The following GPD1L variants were observed in gnomAD, a reference collection of about 807,000 sequenced individuals.
GPD1L encodes glycerol-3-phosphate dehydrogenase 1 like, also known as glycerol-3-phosphate dehydrogenase 1-like protein.
GPD1L carries 17 observed loss-of-function variants against 32.9 expected under a neutral mutation model. The ratio of observed to expected loss-of-function variants is 0.52; its 90% CI spans 0.35 to 0.78. The LOEUF (loss-of-function observed/expected upper bound fraction) is 0.78. Among genes scored for constraint, GPD1L ranks in the 30% least tolerant of loss-of-function variants. The pLI is 0.01. For synonymous variants in GPD1L, 187 were observed against 165.9 expected, an observed-to-expected ratio of 1.13 and a Z score of -0.98; for missense variants, 361 against 447.8, an observed-to-expected ratio of 0.81 and a Z score of 1.75.
intron 1 of GPD1L, among the ~76,000 whole-genome samples, chr3:32,122,147 G>GA (rs1233737261): frequency 6.6e-6 from 1 of 152,148 alleles, no homozygotes; most frequent in Non-Finnish European, 1.5e-5. Flanking sequence ...ATGAGGATGG[G>GA]GACTTGTCTG....
chr3:32,154,235 G>A (rs917629495), intron 5 of GPD1L, among the ~76,000 whole-genome samples: 1 of 152,118 alleles, frequency 6.6e-6, no homozygotes, highest in Admixed American at 6.5e-5. Context: ...GATCTCCCCT[G>A]GTGGGAAGGT....
At chr3:32,157,578 C>T (rs770991860) in intron 5 of GPD1L, among the ~76,000 whole-genome samples, 5 of 152,152 alleles carry the variant, frequency 3.3e-5, no homozygotes, top group Non-Finnish European at 5.9e-5. Context: ...CCTGTTGAAA[C>T]GGAATTTCAG....
chr3:32,127,435 G>A lies in GPD1L; in HGVS notation c.48-641G>A, dbSNP rs188474709. Among the ~76,000 whole-genome samples the A allele has an allele frequency of 3.1e-3, 479 of 152,308 alleles. 3 individuals carry two copies. The highest frequency in any genetic ancestry group is 0.011 in the African/African-American group (454 of 41,552). ...CCACGTGCAGACCTGCACTGCTGTC[G>A]GGAGGACAGATGTTAACAAATCAGG... On this transcript the variant is annotated intron_variant, in intron 1 of 7. Coordinates refer to ENST00000282541, the MANE Select transcript of GPD1L (RefSeq NM_015141.4).
chr3:32,128,553 CT>C (rs1220114656), intron 2 of GPD1L, among the ~76,000 whole-genome samples: 1 of 152,166 alleles, frequency 6.6e-6, no homozygotes, highest in Non-Finnish European at 1.5e-5. Flanking sequence ...TCTGAGGCCT[CT>C]CTCCTTGGCT....
chr3:32,128,771 C>G (rs1700548051), intron 2 of GPD1L, among the ~76,000 whole-genome samples: 1 of 152,298 alleles, frequency 6.6e-6, no homozygotes, highest in Middle Eastern at 3.4e-3. Flanking sequence ...ATTCAAAGTG[C>G]CAGCCACCTC....
chr3:32,146,076 C>CTTTTTCTTTTTTTTTTTTTTTT lies in GPD1L; in HGVS notation c.506-541_506-540insCTTTTTTTTTTTTTTTTTTTTT, dbSNP rs1700817856. ...GTAGTTTTACTTGTTGACAATCATG[C>CTTTTTCTTTTTTTTTTTTTTTT]TTTTTTCTTTTTTTTTTTTTTTTTT... On this transcript the variant is annotated intron_variant, in intron 4 of 7. Coordinates refer to ENST00000282541, the MANE Select transcript of GPD1L (RefSeq NM_015141.4). 1.6e-5 allele frequency among the ~76,000 whole-genome samples: 2 copies of CTTTTTCTTTTTTTTTTTTTTTT among 127,606 alleles called. 1 individual carries two copies. Among genetic ancestry groups the CTTTTTCTTTTTTTTTTTTTTTT allele is most frequent in the African/African-American group, 6.5e-5 (2 of 30,946 alleles). The allele number at this position is 127,606 out of a possible 152,430, so 83.7% of individuals were successfully genotyped here. A position where few individuals can be genotyped will look rare whatever the true frequency, so the allele number is the denominator to read the frequency against.
At chr3:32,119,714 T>A (rs1452915621) in intron 1 of GPD1L, among the ~76,000 whole-genome samples, 1 of 152,202 alleles carries the variant, frequency 6.6e-6, no homozygotes, top group Non-Finnish European at 1.5e-5. Context: ...TTATTCATAA[T>A]TTTTTTCATG....
At chr3:32,127,559 A>C (rs571372854) in intron 1 of GPD1L, among the ~76,000 whole-genome samples, 2 of 152,376 alleles carry the variant, frequency 1.3e-5, no homozygotes, top group South Asian at 4.1e-4. Flanking sequence ...CTTGGGGGCC[A>C]GAGGCCGGCT....
chr3:32,145,493 A>G (rs1026385977), intron 4 of GPD1L, among the ~76,000 whole-genome samples: 2 of 152,220 alleles, frequency 1.3e-5, no homozygotes, highest in African/African-American at 4.8e-5. Flanking sequence ...ATGGCAAGCC[A>G]AGAGTGTGCC....
At chr3:32,125,783 T>G (rs1439845561) in intron 1 of GPD1L, among the ~76,000 whole-genome samples, 2 of 146,450 alleles carry the variant, frequency 1.4e-5, no homozygotes. Flanking sequence ...TACCACCATC[T>G]GGCCCAATGC....
At chr3:32,109,966 A>G (rs190852086) in intron 1 of GPD1L, among the ~76,000 whole-genome samples, 32 of 152,342 alleles carry the variant, frequency 2.1e-4, no homozygotes, top group East Asian at 9.6e-4. Context: ...CGCCCAGGCT[A>G]GAGTGCAGTG....
intron 1 of GPD1L, 124 bp from the exon 2 acceptor site, chr3:32,127,952 C>G (rs1266178271): frequency 1.3e-6 from 1 of 747,818 alleles, no homozygotes; most frequent in Non-Finnish European, 2.4e-6. Flanking sequence ...ATACACGTCA[C>G]ATCTTGAGTA....
intron 2 of GPD1L, among the ~76,000 whole-genome samples, chr3:32,128,659 A>G (rs1232445022): frequency 6.6e-6 from 1 of 152,164 alleles, no homozygotes; most frequent in Non-Finnish European, 1.5e-5. Flanking sequence ...ATATTGGATA[A>G]AGACCCACCC....
chr3:32,164,140 A>G (rs541063656), intron 7 of GPD1L, among the ~76,000 whole-genome samples: 2 of 152,322 alleles, frequency 1.3e-5, no homozygotes, highest in East Asian at 1.9e-4. Context: ...GTGAAAGGCT[A>G]GGAAGGTGAG....
In GPD1L at chr3:32,166,181, C is replaced by T; in HGVS notation, c.*271C>T. 2 of 484,910 alleles carry T rather than the reference C, an allele frequency of 4.1e-6. No homozygotes were observed. Among genetic ancestry groups the T allele is most frequent in the East Asian group, 4.0e-5 (1 of 24,896 alleles). 30.0% of individuals were successfully genotyped at this position (484,910 alleles called of 1,614,324 possible). A position where few individuals can be genotyped will look rare whatever the true frequency, so the allele number is the denominator to read the frequency against. ...GAGCCAAAATTTGATGTCTTTTTTT[C>T]AAAATTGCTTATGAAATTTCCACAC... On this transcript the variant is annotated 3_prime_UTR_variant, in exon 8 of 8. Coordinates refer to ENST00000282541, the MANE Select transcript of GPD1L (RefSeq NM_015141.4).
chr3:32,135,692 A>G (rs997012853), intron 2 of GPD1L, among the ~76,000 whole-genome samples: 1 of 152,058 alleles, frequency 6.6e-6, no homozygotes, highest in African/African-American at 2.4e-5. Flanking sequence ...GCCTCAAGCG[A>G]TCCACCCACC....
At chr3:32,128,339 C>G (rs1160904235) in intron 2 of GPD1L, 86 bp downstream of exon 2, 1 of 1,101,788 alleles carries the variant, frequency 9.1e-7, no homozygotes, top group Middle Eastern at 2.0e-4. Flanking sequence ...ACTGGGAAAG[C>G]TGCTTCCCTT....
chr3:32,143,210 T>A (rs572027894), intron 4 of GPD1L, among the ~76,000 whole-genome samples: 3 of 151,666 alleles, frequency 2.0e-5, no homozygotes, highest in Admixed American at 1.3e-4. Flanking sequence ...AAAAAAAAAA[T>A]TTAAGTAAAA....
At chr3:32,150,142 G>C in intron 5 of GPD1L, among the ~76,000 whole-genome samples, 1 of 152,196 alleles carries the variant, frequency 6.6e-6, no homozygotes, top group Non-Finnish European at 1.5e-5. Flanking sequence ...TGGGCAGTCA[G>C]CTGATCTGCT....
Sources: allele counts gnomAD v4.1 joint callset (sites outside exome capture counted in the v4.1 genomes callset), GRCh38; gene constraint gnomAD v4.1.1; transcripts MANE v1.5; gene names NCBI Gene and HGNC (gene_info 2026-07-23, HGNC 2026-07-21).